Variants in RBL1 observed in about 807,000 individuals in gnomAD.
The protein encoded by RBL1 is retinoblastoma-like protein 1.
A neutral mutation model predicts 123.0 loss-of-function variants in RBL1; 82 were observed. The observed-to-expected ratio is 0.67, with a 90% CI of 0.56 to 0.80. The LOEUF (loss-of-function observed/expected upper bound fraction) is 0.80. RBL1 is among the 30% of genes least tolerant of loss of function. The pLI is 0.00. For missense variants in RBL1, 1,171 were observed against 1,299.6 expected (o/e 0.90, Z 1.52); for synonymous variants, 405 against 441.3 (o/e 0.92, Z 1.03).
chr20:37,027,642 A>G (rs1358667018), intron 16 of RBL1, among the ~76,000 whole-genome samples: 2 of 152,240 alleles, frequency 1.3e-5, no homozygotes, highest in East Asian at 1.9e-4. Context: ...AATTCAAGTT[A>G]TGTCTAAGGT....
intron 2 of RBL1, among the ~76,000 whole-genome samples, chr20:37,070,453 C>T (rs150722017): frequency 0.026 from 3,870 of 149,942 alleles, 64 homozygotes; most frequent in Non-Finnish European, 0.038. Flanking sequence ...GAGAAACACC[C>T]GAGAATTATC....
At chr20:37,031,697 C>G in intron 16 of RBL1, among the ~76,000 whole-genome samples, 1 of 152,128 alleles carries the variant, frequency 6.6e-6, no homozygotes, top group Non-Finnish European at 1.5e-5. Flanking sequence ...TGGGAATATA[C>G]CCAAAGGAAT....
intron 1 of RBL1, 28 bp downstream of exon 1, chr20:37,095,745 T>G: frequency 6.5e-7 from 1 of 1,550,240 alleles, no homozygotes; most frequent in Non-Finnish European, 8.8e-7. Flanking sequence ...GAGGGTAGGG[T>G]CCGGCCGCCC....
At chr20:37,011,553 G>A (rs2064148100) in intron 19 of RBL1, among the ~76,000 whole-genome samples, 1 of 150,822 alleles carries the variant, frequency 6.6e-6, no homozygotes, top group South Asian at 2.1e-4. Context: ...TCTTGCCTCA[G>A]CCTCCGAAGT....
At chr20:37,032,643 A>G (rs6017076) in intron 16 of RBL1, 22 bp downstream of exon 16, 3 of 1,611,796 alleles carry the variant, frequency 1.9e-6, no homozygotes, top group Middle Eastern at 1.7e-4. Flanking sequence ...AAATTCTTCT[A>G]AAGTGCTATA....
At chr20:37,067,348 T>C (rs777922905) in intron 3 of RBL1, 51 bp from the exon 4 acceptor site, 5 of 1,321,328 alleles carry the variant, frequency 3.8e-6, no homozygotes, top group East Asian at 2.3e-5. Context: ...CTAAATATCA[T>C]GTAAACTGAA....
intron 4 of RBL1, 45 bp from the exon 5 acceptor site, chr20:37,067,166 CCT>C: frequency 6.4e-7 from 1 of 1,565,608 alleles, no homozygotes. Flanking sequence ...AAACCAGAAA[CCT>C]CTCATGTCAA....
intron 21 of RBL1, among the ~76,000 whole-genome samples, chr20:37,002,695 C>A (rs1354121575): frequency 6.6e-6 from 1 of 150,382 alleles, no homozygotes; most frequent in African/African-American, 2.4e-5. Context: ...AGTTTGAGAT[C>A]TTCTTCCTTA....
chr20:37,038,290 C>G (rs1198193822), intron 14 of RBL1, among the ~76,000 whole-genome samples: 2 of 150,600 alleles, frequency 1.3e-5, no homozygotes, highest in Non-Finnish European at 3.0e-5. Context: ...CTGTGCCTGA[C>G]CTTATGCAAT....
rs1265591746 is a variant in RBL1 at position 37,001,043 on chromosome 20, CCCGGCCAGCCGCCCCAT to C, written c.3037-2131_3037-2115del. ...GGAGGTGGGGGGGGTCAGCCCCCCA[CCCGGCCAGCCGCCCCAT>C]CCGGGAGGGAGGCGGGGAGGTCAGC... is the stretch of plus-strand genomic sequence containing the variant. On this transcript the variant is annotated intron_variant, in intron 21 of 21. Coordinates refer to ENST00000373664, the MANE Select transcript of RBL1 (RefSeq NM_002895.5). Among the ~76,000 whole-genome samples, 312 of 145,354 alleles carry C rather than the reference CCCGGCCAGCCGCCCCAT, an allele frequency of 2.1e-3. 2 individuals are homozygous for C. The highest frequency in any genetic ancestry group is 7.7e-3 in the African/African-American group (300 of 39,168).
At chr20:37,023,278 C>T (rs1397388732) in intron 16 of RBL1, among the ~76,000 whole-genome samples, 3 of 152,198 alleles carry the variant, frequency 2.0e-5, no homozygotes, top group Non-Finnish European at 2.9e-5. Flanking sequence ...CATGCCACCA[C>T]GCCTAGCTAA....
chr20:37,035,033 G>A (rs2064582073), intron 15 of RBL1, among the ~76,000 whole-genome samples: 1 of 152,018 alleles, frequency 6.6e-6, no homozygotes, highest in African/African-American at 2.4e-5. Context: ...TCTGGTTGGG[G>A]AAGGGGGACT....
intron 19 of RBL1, among the ~76,000 whole-genome samples, chr20:37,013,459 C>T (rs1446983977): frequency 4.6e-5 from 7 of 151,452 alleles, no homozygotes; most frequent in South Asian, 2.1e-4. Context: ...TGCGGAAGGC[C>T]GCAGGGTCCT....
chr20:37,057,302 C>G (rs780325065), intron 9 of RBL1, among the ~76,000 whole-genome samples: 1 of 152,190 alleles, frequency 6.6e-6, no homozygotes, highest in Non-Finnish European at 1.5e-5. Context: ...GGCTGCACCA[C>G]TTTACAATTC....
chr20:37,023,453 CT>C (rs1445121055), intron 16 of RBL1, among the ~76,000 whole-genome samples: 1 of 152,052 alleles, frequency 6.6e-6, no homozygotes, highest in Non-Finnish European at 1.5e-5. Context: ...GCTCAGAAGT[CT>C]CTGTCTATTC....
chr20:37,072,195 G>A (rs377002607), intron 2 of RBL1, among the ~76,000 whole-genome samples: 56 of 152,320 alleles, frequency 3.7e-4, no homozygotes, highest in African/African-American at 9.9e-4. Context: ...TTGGCCGGGT[G>A]CAGTGGCTCA....
At chr20:37,061,488 A>G (rs2065094827) in intron 8 of RBL1, among the ~76,000 whole-genome samples, 4 of 152,218 alleles carry the variant, frequency 2.6e-5, no homozygotes, top group African/African-American at 9.6e-5. Context: ...TTTGAAAGAT[A>G]ATGTATACAT....
chr20:37,049,208 C>CA (rs2064863762), intron 11 of RBL1: 1 of 362,498 alleles, frequency 2.8e-6, no homozygotes, highest in Non-Finnish European at 5.1e-6. Context: ...TCCCAAAAAA[C>CA]AAAAAACAAA....
intron 2 of RBL1, among the ~76,000 whole-genome samples, chr20:37,086,699 A>G (rs2065552158): frequency 6.6e-6 from 1 of 152,234 alleles, no homozygotes; most frequent in African/African-American, 2.4e-5. Context: ...AACAAAGAAT[A>G]TTAGCATGAA....
Sources: gnomAD v4.1 joint callset for allele counts (sites outside exome capture counted in the v4.1 genomes callset) on GRCh38, gnomAD v4.1.1 for gene constraint, MANE v1.5 for transcripts, NCBI Gene and HGNC (gene_info 2026-07-23, HGNC 2026-07-21) for gene names.